The following RIGI variants were observed in gnomAD, a reference collection of about 807,000 sequenced individuals.
RIGI encodes the protein RNA sensor RIG-I, also known as antiviral innate immune response receptor RIG-I.
chr9:32,521,827 T>G, the RIGI span, among the ~76,000 whole-genome samples: 1 of 152,174 alleles, frequency 6.6e-6, no homozygotes, highest in Non-Finnish European at 1.5e-5. Context: ...GATTATTATG[T>G]TAAATTGTTG....
chr9:32,483,880 C>A, the RIGI span, among the ~76,000 whole-genome samples: 10 of 152,172 alleles, frequency 6.6e-5, no homozygotes, highest in East Asian at 1.7e-3. Flanking sequence ...TGAAACACAC[C>A]TTATCACCCC....
chr9:32,515,426 C>G, the RIGI span, among the ~76,000 whole-genome samples: 2 of 151,558 alleles, frequency 1.3e-5, no homozygotes, highest in Non-Finnish European at 2.9e-5. Context: ...TCTCAATAAA[C>G]TCACATGCAA....
chr9:32,512,154 T>C, the RIGI span, among the ~76,000 whole-genome samples: 29 of 152,198 alleles, frequency 1.9e-4, no homozygotes, highest in South Asian at 4.1e-4. Context: ...GAGGAGCTTA[T>C]ACCATTCCTT....
the RIGI span, among the ~76,000 whole-genome samples, chr9:32,524,526 A>G: frequency 6.7e-6 from 1 of 150,320 alleles, no homozygotes; most frequent in East Asian, 1.9e-4. Context: ...CAATAACATC[A>G]GGAAAGACTG....
At chr9:32,470,932 G>T in the RIGI span, among the ~76,000 whole-genome samples, 1 of 152,206 alleles carries the variant, frequency 6.6e-6, no homozygotes, top group Non-Finnish European at 1.5e-5. Flanking sequence ...AAATACTTCA[G>T]TGGTCTCTAC....
At chr9:32,480,447 A>C in the RIGI span, 1 of 1,285,230 alleles carries the variant, frequency 7.8e-7, no homozygotes, top group Non-Finnish European at 1.0e-6. Context: ...GAATTGTTTT[A>C]AGAAAACTTT....
the RIGI span, chr9:32,485,529 T>TTA: frequency 6.2e-6 from 3 of 485,216 alleles, no homozygotes; most frequent in Non-Finnish European, 1.1e-5. Context: ...TCTAACTAGC[T>TTA]TCTTTTTTTT....
At chr9:32,489,914 A>G in the RIGI span, among the ~76,000 whole-genome samples, 2 of 152,264 alleles carry the variant, frequency 1.3e-5, no homozygotes, top group African/African-American at 4.8e-5. Flanking sequence ...TTCTCTCAAC[A>G]TAACCAGAAG....
chr9:32,499,904 G>A, the RIGI span, among the ~76,000 whole-genome samples: 2 of 152,158 alleles, frequency 1.3e-5, no homozygotes, highest in Non-Finnish European at 1.5e-5. Flanking sequence ...ACAGGCACAC[G>A]CCACCATGTC....
At chr9:32,485,164 A>G in the RIGI span, 4 of 1,577,136 alleles carry the variant, frequency 2.5e-6, no homozygotes, top group Non-Finnish European at 3.4e-6. Context: ...AAAATATGAG[A>G]TTTATCTCAC....
chr9:32,486,260 T>C, the RIGI span, among the ~76,000 whole-genome samples: 2 of 152,086 alleles, frequency 1.3e-5, no homozygotes, highest in South Asian at 2.1e-4. Context: ...AAGACCAGCC[T>C]GGCCAACATG....
chr9:32,524,719 C>T, the RIGI span, among the ~76,000 whole-genome samples: 1 of 144,768 alleles, frequency 6.9e-6, no homozygotes, highest in East Asian at 2.2e-4. Context: ...TTTCATTCCT[C>T]AGCCTCCTGA....
At chr9:32,477,050 T>C in the RIGI span, 2 of 1,614,188 alleles carry the variant, frequency 1.2e-6, no homozygotes, top group South Asian at 2.2e-5. Flanking sequence ...GTACTCTTCT[T>C]GTAAGATGAA....
At chr9:32,480,553 C>T in the RIGI span, among the ~76,000 whole-genome samples, 1 of 152,130 alleles carries the variant, frequency 6.6e-6, no homozygotes, top group Non-Finnish European at 1.5e-5. Flanking sequence ...TAAAAGAAAA[C>T]TCAATTAGCT....
the RIGI span, chr9:32,481,391 A>ATCTT: frequency 7.4e-6 from 12 of 1,613,470 alleles, no homozygotes; most frequent in Non-Finnish European, 1.0e-5. Context: ...TGCTCTCTTC[A>ATCTT]TCTTTGTCTG....
At chr9:32,480,654 A>G in the RIGI span, among the ~76,000 whole-genome samples, 1 of 152,244 alleles carries the variant, frequency 6.6e-6, no homozygotes, top group African/African-American at 2.4e-5. Flanking sequence ...TTTAAAAATA[A>G]GGAAAGTAAA....
the RIGI span, among the ~76,000 whole-genome samples, chr9:32,507,398 C>A: frequency 4.7e-3 from 714 of 152,098 alleles, 3 homozygotes; most frequent in African/African-American, 0.016. Context: ...TTAAACAGAT[C>A]ATTTATGCTT....
At chr9:32,484,550 A>T in the RIGI span, among the ~76,000 whole-genome samples, 1 of 152,020 alleles carries the variant, frequency 6.6e-6, no homozygotes, top group African/African-American at 2.4e-5. Flanking sequence ...CCCCTTTCTC[A>T]TCCCCACCCA....
chr9:32,505,212 T>G, the RIGI span, among the ~76,000 whole-genome samples: 1 of 150,544 alleles, frequency 6.6e-6, no homozygotes. Context: ...GAAAAAGGAG[T>G]TGAACCCAAA....
Sources: gnomAD v4.1 joint callset for allele counts (sites outside exome capture counted in the v4.1 genomes callset) on GRCh38, gnomAD v4.1.1 for gene constraint, MANE v1.5 for transcripts, NCBI Gene and HGNC (gene_info 2026-07-23, HGNC 2026-07-21) for gene names.